Variants in FGF1 observed in about 807,000 individuals in gnomAD.
FGF1 encodes the protein fibroblast growth factor 1.
A neutral mutation model predicts 13.4 loss-of-function variants in FGF1; 9 were observed. The observed-to-expected ratio is 0.67, with a 90% CI of 0.40 to 1.17. The LOEUF is 1.17. FGF1 is among the 50% of genes most tolerant of loss of function. The pLI is 0.01. For synonymous variants in FGF1, 93 were observed against 79.0 expected (o/e 1.18, Z -0.94); for missense variants, 156 against 192.7 (o/e 0.81, Z 1.13).
At chr5:142,660,041 T>C (rs910800943) in intron 1 of FGF1, among the ~76,000 whole-genome samples, 24 of 152,184 alleles carry the variant, frequency 1.6e-4, no homozygotes, top group Non-Finnish European at 2.8e-4. Context: ...AGCTGACCGG[T>C]CCATAAACAG....
At chr5:142,673,481 T>C (rs983956192) in intron 1 of FGF1, among the ~76,000 whole-genome samples, 1 of 152,234 alleles carries the variant, frequency 6.6e-6, no homozygotes, top group African/African-American at 2.4e-5. Flanking sequence ...TTACAAGCAA[T>C]AGGCTATCTA....
chr5:142,684,254 G>A (rs926469560), intron 1 of FGF1, among the ~76,000 whole-genome samples: 1 of 152,090 alleles, frequency 6.6e-6, no homozygotes, highest in Admixed American at 6.5e-5. Flanking sequence ...ATGGATGTCC[G>A]CCCACCATCT....
intron 1 of FGF1, among the ~76,000 whole-genome samples, chr5:142,668,963 C>T (rs1388375828): frequency 1.3e-5 from 2 of 152,144 alleles, no homozygotes; most frequent in Non-Finnish European, 2.9e-5. Context: ...GCAGGAAGGA[C>T]AAACAGGTTT....
At chr5:142,646,628 G>A (rs1561656370) in intron 1 of FGF1, among the ~76,000 whole-genome samples, 1 of 152,172 alleles carries the variant, frequency 6.6e-6, no homozygotes, top group Non-Finnish European at 1.5e-5. Context: ...TGGGATTACA[G>A]GCGTGAGCCA....
intron 1 of FGF1, among the ~76,000 whole-genome samples, chr5:142,669,361 C>A (rs186135956): frequency 3.3e-5 from 5 of 152,266 alleles, no homozygotes; most frequent in Admixed American, 3.3e-4. Flanking sequence ...ACAAGCCAGT[C>A]GAGGACAGAA....
chr5:142,676,239 C>T (rs1011061692), intron 1 of FGF1, among the ~76,000 whole-genome samples: 21 of 152,154 alleles, frequency 1.4e-4, no homozygotes, highest in Non-Finnish European at 2.4e-4. Context: ...AAACCTTTGC[C>T]AGAAAATTTG....
At chr5:142,623,870 T>G (rs1320497614) in intron 1 of FGF1, among the ~76,000 whole-genome samples, 1 of 151,986 alleles carries the variant, frequency 6.6e-6, no homozygotes, top group Non-Finnish European at 1.5e-5. Context: ...CACCTCAGCC[T>G]CCCAAGTAGC....
intron 3 of FGF1, among the ~76,000 whole-genome samples, chr5:142,599,041 C>T (rs192746962): frequency 1.8e-4 from 27 of 152,288 alleles, no homozygotes; most frequent in African/African-American, 5.8e-4. Flanking sequence ...CTGATGGGCG[C>T]ATTCTGTGTG....
chr5:142,606,264 AT>A (rs2151843769), intron 2 of FGF1, among the ~76,000 whole-genome samples: 1 of 142,896 alleles, frequency 7.0e-6, no homozygotes, highest in East Asian at 2.1e-4. Flanking sequence ...TTTTTTTTTA[AT>A]CCCCTTTCAA....
chr5:142,696,286 G>A (rs1753098071), intron 2 of FGF1, among the ~76,000 whole-genome samples: 1 of 152,152 alleles, frequency 6.6e-6, no homozygotes, highest in African/African-American at 2.4e-5. Flanking sequence ...CTAGACCATT[G>A]CAAAAAAGCA....
chr5:142,610,090 C>T (rs554343835), intron 2 of FGF1, among the ~76,000 whole-genome samples: 15 of 152,264 alleles, frequency 9.9e-5, no homozygotes, highest in African/African-American at 3.1e-4. Context: ...GAGCTGGTCA[C>T]GCCTGTCAAC....
chr5:142,645,884 C>G (rs1392240888), intron 1 of FGF1, among the ~76,000 whole-genome samples: 1 of 152,234 alleles, frequency 6.6e-6, no homozygotes, highest in East Asian at 1.9e-4. Flanking sequence ...TCTTGTCTTT[C>G]TCTCCCTTAC....
chr5:142,632,149 C>T (rs1162627315), intron 1 of FGF1, among the ~76,000 whole-genome samples: 1 of 152,146 alleles, frequency 6.6e-6, no homozygotes, highest in Non-Finnish European at 1.5e-5. Context: ...AAATAGAAGG[C>T]AGTGATAAAG....
intron 2 of FGF1, among the ~76,000 whole-genome samples, chr5:142,695,249 T>C (rs1231800433): frequency 6.6e-6 from 1 of 152,174 alleles, no homozygotes; most frequent in African/African-American, 2.4e-5. Context: ...CTGTGTTTGC[T>C]ATAGTTATTA....
intron 1 of FGF1, among the ~76,000 whole-genome samples, chr5:142,671,598 C>T (rs1771473744): frequency 6.6e-6 from 1 of 152,146 alleles, no homozygotes; most frequent in Admixed American, 6.5e-5. Flanking sequence ...TTTAACACTC[C>T]CCTCCTTCAA....
intron 1 of FGF1, among the ~76,000 whole-genome samples, chr5:142,683,518 T>G (rs1051047632): frequency 6.6e-6 from 1 of 152,094 alleles, no homozygotes; most frequent in Non-Finnish European, 1.5e-5. Flanking sequence ...TATGGATTCT[T>G]GCAAAATATA....
chr5:142,662,063 T>G (rs1228388930), intron 1 of FGF1, among the ~76,000 whole-genome samples: 2 of 152,184 alleles, frequency 1.3e-5, no homozygotes, highest in Non-Finnish European at 2.9e-5. Context: ...CGATTCCATT[T>G]ACATGAAATG....
intron 1 of FGF1, among the ~76,000 whole-genome samples, chr5:142,634,781 A>G (rs1763969610): frequency 6.6e-6 from 1 of 152,172 alleles, no homozygotes; most frequent in Non-Finnish European, 1.5e-5. Flanking sequence ...ACTTTTGTGG[A>G]TAATGGTACT....
At position 142,647,580 on chromosome 5, in the gene FGF1, C is replaced by T. The variant is rs11748370; in HGVS notation, c.-34-33419G>A. ...AAGATGGTAGACCACTCCACTCCTA[C>T]CTGTTTAGATGGGACCCAAATCTAA... is the stretch of plus-strand genomic sequence containing the variant. On this transcript the variant is annotated intron_variant, in intron 1 of 3. Coordinates refer to ENST00000337706, the MANE Select transcript of FGF1 (RefSeq NM_000800.5). Among the ~76,000 whole-genome samples, 818 of 152,274 alleles carry T rather than the reference C, an allele frequency of 5.4e-3. 7 individuals carry two copies. Among genetic ancestry groups the T allele is most frequent in the Non-Finnish European group, 9.0e-3 (610 of 68,024 alleles).
Sources: gnomAD v4.1 joint callset for allele counts (sites outside exome capture counted in the v4.1 genomes callset) on GRCh38, gnomAD v4.1.1 for gene constraint, MANE v1.5 for transcripts, NCBI Gene and HGNC (gene_info 2026-07-23, HGNC 2026-07-21) for gene names.